ST8SIA6: variants seen among roughly 807,000 people sequenced by gnomAD.
ST8SIA6 encodes ST8 alpha-N-acetyl-neuraminide alpha-2,8-sialyltransferase 6, also known as alpha-2,8-sialyltransferase 8F.
A neutral mutation model predicts 33.6 loss-of-function variants in ST8SIA6; 39 were observed. That is an observed-to-expected ratio of 1.16 (90% CI 0.90 to 1.52). The LOEUF is 1.52. Ranked by LOEUF, ST8SIA6 falls within the 40% of genes most tolerant of loss-of-function variation. ST8SIA6 has a pLI of 0.00. For missense variants in ST8SIA6, 441 were observed against 443.8 expected, an observed-to-expected ratio of 0.99 and a Z score of 0.06; for synonymous variants, 172 against 167.2, an observed-to-expected ratio of 1.03 and a Z score of -0.22.
Position 17,331,493 on chromosome 10 carries a change from G to C in ST8SIA6, c.437C>G (p.Thr146Ser), listed in dbSNP as rs375367576. Residue 146 changes from threonine to serine, a missense_variant, in exon 5 of 8, where the codon ACT becomes AGT. Transcript: ENST00000377602. ...VQNFVVSQNN[T>S]PVGTNMSYEV... ...GTAACTCATATTAGTCCCAACTGGAGTGTTATTCTGAGAAACAACAAAGTT... is the reference window on the plus strand; with the variant it reads ...GTAACTCATATTAGTCCCAACTGGACTGTTATTCTGAGAAACAACAAAGTT... 1.9e-6 allele frequency: 3 copies of C among 1,613,292 alleles called. No individual in the cohort carries two copies. Among genetic ancestry groups the C allele is most frequent in the Non-Finnish European group, 2.5e-6 (3 of 1,179,836 alleles).
At chr10:17,400,119 C>T (rs1850982051) in intron 2 of ST8SIA6, among the ~76,000 whole-genome samples, 1 of 152,172 alleles carries the variant, frequency 6.6e-6, no homozygotes, top group East Asian at 1.9e-4. Flanking sequence ...TCATTAGGAC[C>T]TCTATCATGC....
chr10:17,411,172 TTGTGTG>T (rs72283269), intron 2 of ST8SIA6, among the ~76,000 whole-genome samples: 2 of 150,042 alleles, frequency 1.3e-5, no homozygotes, highest in Non-Finnish European at 1.5e-5. Context: ...CTTGAACTCT[TTGTGTG>T]TGTGTGTGTG....
intron 4 of ST8SIA6, among the ~76,000 whole-genome samples, chr10:17,354,165 G>A (rs1849120678): frequency 6.6e-6 from 1 of 152,182 alleles, no homozygotes; most frequent in African/African-American, 2.4e-5. Context: ...GCTTCACAAA[G>A]AAGCCTTCAT....
chr10:17,415,006 T>C (rs1322782824), intron 2 of ST8SIA6, among the ~76,000 whole-genome samples: 1 of 152,048 alleles, frequency 6.6e-6, no homozygotes, highest in Non-Finnish European at 1.5e-5. Context: ...CCCTCATCTC[T>C]TCCTTCTCTT....
chr10:17,316,937 C>T lies in ST8SIA6; in HGVS notation c.*3941G>A, dbSNP rs1158530931. Among the ~76,000 whole-genome samples the T allele has an allele frequency of 2.0e-5, 3 of 151,782 alleles. No individual in the cohort carries two copies. The highest frequency in any genetic ancestry group is 4.4e-5 in the Non-Finnish European group (3 of 68,002). ...TTAAGGTGTCATTCACTGACTAGAA[C>T]TCTTTCATTTTAATACAGTCATAGC... On this transcript the variant is annotated 3_prime_UTR_variant, in exon 8 of 8. Coordinates refer to ENST00000377602, the MANE Select transcript of ST8SIA6 (RefSeq NM_001004470.3).
intron 2 of ST8SIA6, among the ~76,000 whole-genome samples, chr10:17,445,948 A>G (rs1026374390): frequency 6.6e-6 from 1 of 152,122 alleles, no homozygotes; most frequent in Non-Finnish European, 1.5e-5. Flanking sequence ...CAGTCATGAA[A>G]CCAAGGCATG....
chr10:17,329,743 T>C (rs45465705), intron 5 of ST8SIA6, among the ~76,000 whole-genome samples: 356 of 152,358 alleles, frequency 2.3e-3, no homozygotes, highest in Non-Finnish European at 3.9e-3. Flanking sequence ...TATGCTTTAG[T>C]ATCTCATGTT....
intron 3 of ST8SIA6, among the ~76,000 whole-genome samples, chr10:17,386,019 C>T (rs1046214238): frequency 1.3e-5 from 2 of 152,046 alleles, no homozygotes; most frequent in African/African-American, 4.8e-5. Context: ...CCCATCTCTA[C>T]AAAAAATAGA....
chr10:17,444,439 G>T (rs1852625361), intron 2 of ST8SIA6, among the ~76,000 whole-genome samples: 1 of 152,168 alleles, frequency 6.6e-6, no homozygotes, highest in Non-Finnish European at 1.5e-5. Context: ...AACAACCTCT[G>T]AAATGGGAGG....
At chr10:17,333,693 ATATATATATATATATATATATATATTTTT>A (rs1182851076) in intron 4 of ST8SIA6, among the ~76,000 whole-genome samples, 596 of 20,206 alleles carry the variant, frequency 0.029, 30 homozygotes, top group African/African-American at 0.11. Context: ...ATATATATAT[ATATATATATATATATATATATATATTTTT>A]TTTTTTTTTT....
chr10:17,327,210 C>G (rs1310844801), intron 5 of ST8SIA6, 84 bp from the exon 6 acceptor site: 6 of 989,352 alleles, frequency 6.1e-6, no homozygotes, highest in Non-Finnish European at 7.6e-6. Flanking sequence ...TAACTTAACT[C>G]TTTATACATG....
chr10:17,402,114 C>T (rs541865439), intron 2 of ST8SIA6, among the ~76,000 whole-genome samples: 230 of 152,192 alleles, frequency 1.5e-3, no homozygotes, highest in African/African-American at 4.9e-3. Flanking sequence ...AACAAGTGGG[C>T]GAAGGATATG....
intron 3 of ST8SIA6, among the ~76,000 whole-genome samples, chr10:17,367,018 TGTTA>T (rs772924869): frequency 2.0e-5 from 3 of 152,318 alleles, no homozygotes; most frequent in Non-Finnish European, 2.9e-5. Flanking sequence ...TTATTTATGA[TGTTA>T]GTTCTCAGCA....
chr10:17,399,686 G>A (rs574665373), intron 2 of ST8SIA6, among the ~76,000 whole-genome samples: 1 of 152,086 alleles, frequency 6.6e-6, no homozygotes, highest in African/African-American at 2.4e-5. Flanking sequence ...GGAGGCAGAG[G>A]TAGGGGAGGG....
chr10:17,392,818 C>T (rs1241486961), intron 2 of ST8SIA6, among the ~76,000 whole-genome samples: 2 of 152,190 alleles, frequency 1.3e-5, no homozygotes, highest in African/African-American at 4.8e-5. Flanking sequence ...GAAATGCCCA[C>T]TGTATGTCTG....
At chr10:17,385,335 T>C (rs76613291) in intron 3 of ST8SIA6, among the ~76,000 whole-genome samples, 2,028 of 152,330 alleles carry the variant, frequency 0.013, 23 homozygotes, top group Non-Finnish European at 0.022. Context: ...TGTCACCCCC[T>C]TTCCAGACTA....
At chr10:17,440,177 A>C (rs895669027) in intron 2 of ST8SIA6, among the ~76,000 whole-genome samples, 3 of 151,186 alleles carry the variant, frequency 2.0e-5, no homozygotes, top group African/African-American at 7.3e-5. Context: ...GTTTTGTAAT[A>C]GTTTCTCAAC....
At chr10:17,441,333 A>ATTTAT (rs1309959070) in intron 2 of ST8SIA6, among the ~76,000 whole-genome samples, 2 of 129,074 alleles carry the variant, frequency 1.5e-5, no homozygotes, top group Non-Finnish European at 3.4e-5. Flanking sequence ...TATTTATTTG[A>ATTTAT]GACGGAGTCT....
intron 3 of ST8SIA6, among the ~76,000 whole-genome samples, chr10:17,389,653 G>A (rs1389881856): frequency 6.6e-6 from 1 of 152,168 alleles, no homozygotes; most frequent in Admixed American, 6.5e-5. Flanking sequence ...AGCTGAGGGA[G>A]TGTCACAGCT....
Sources: gnomAD v4.1 joint callset for allele counts (sites outside exome capture counted in the v4.1 genomes callset) on GRCh38, gnomAD v4.1.1 for gene constraint, MANE v1.5 for transcripts, NCBI Gene and HGNC (gene_info 2026-07-23, HGNC 2026-07-21) for gene names.